GAB2: variants seen among roughly 807,000 people sequenced by gnomAD.
The protein encoded by GAB2 is GRB2 associated binding protein 2.
GAB2 carries 26 observed loss-of-function variants against 65.5 expected under a neutral mutation model. The observed-to-expected ratio is 0.40, with a 90% CI of 0.29 to 0.55. The LOEUF is 0.55. Among genes scored for constraint, GAB2 ranks in the 20% least tolerant of loss-of-function variants. The pLI, the probability that GAB2 is intolerant of heterozygous loss-of-function variation, is 0.53. For synonymous variants in GAB2, 321 were observed against 329.6 expected (o/e 0.97, Z 0.28); for missense variants, 884 against 875.8 (o/e 1.01, Z -0.12).
intron 2 of GAB2, among the ~76,000 whole-genome samples, chr11:78,273,159 C>G (rs1001423837): frequency 6.6e-6 from 1 of 152,246 alleles, no homozygotes; most frequent in African/African-American, 2.4e-5. Flanking sequence ...AGCCCCCACA[C>G]AGAGTCCCTT....
At chr11:78,308,956 C>T (rs984904971) in intron 1 of GAB2, among the ~76,000 whole-genome samples, 1 of 151,996 alleles carries the variant, frequency 6.6e-6, no homozygotes, top group South Asian at 2.1e-4. Flanking sequence ...TGGAAAGATG[C>T]TGAGGGTAGG....
At position 78,219,348 on chromosome 11, in the gene GAB2, T is replaced by A. The variant is rs768976090; in HGVS notation, c.1955A>T (p.Gln652Leu). 1 of 1,613,666 alleles carries A rather than the reference T, an allele frequency of 6.2e-7. No homozygotes were observed. The highest frequency in any genetic ancestry group is 1.1e-5 in the South Asian group (1 of 91,080). The change falls in exon 10 of 10, where the codon CAG becomes CTG. Residue 652 changes from glutamine to leucine, a missense_variant. Coordinates refer to ENST00000361507, the MANE Select transcript of GAB2 (RefSeq NM_080491.3). ...DYVQVDKEKTQALQNTMQEWT... is the reference protein window; with the variant it reads ...DYVQVDKEKTLALQNTMQEWT... ...CTCCTGCATGGTGTTCTGCAGGGCC[T>A]GGGTCTTCTCCTTGTCCACCTGAAC...
intron 2 of GAB2, among the ~76,000 whole-genome samples, chr11:78,279,430 T>C (rs1433610487): frequency 2.0e-5 from 3 of 152,166 alleles, no homozygotes; most frequent in African/African-American, 4.8e-5. Flanking sequence ...GTCCTCAGAA[T>C]CACCTGAGGA....
chr11:78,417,123 G>T (rs1043436792), intron 1 of GAB2, among the ~76,000 whole-genome samples: 36 of 152,300 alleles, frequency 2.4e-4, no homozygotes, highest in African/African-American at 8.7e-4. Flanking sequence ...TGACGCTGCC[G>T]GTGATGCAGC....
Position 78,273,861 on chromosome 11 carries a change from G to A in GAB2, c.376+6740C>T, listed in dbSNP as rs184556745. Among the ~76,000 whole-genome samples the A allele has an allele frequency of 4.6e-3, 697 of 152,228 alleles. 4 individuals carry two copies. Among genetic ancestry groups the A allele is most frequent in the African/African-American group, 0.016 (672 of 41,522 alleles). ...CCAGGTTGTTCTCATGATACCTGAC[G>A]GTTTTAAAAAGAGGAGTTCCCCTGT... On this transcript the variant is annotated intron_variant, in intron 2 of 9. Transcript: ENST00000361507.
chr11:78,220,581 T>C (rs1864375600), intron 8 of GAB2, 137 bp from the exon 9 acceptor site: 1 of 634,292 alleles, frequency 1.6e-6, no homozygotes, highest in Non-Finnish European at 2.6e-6. Flanking sequence ...GGACTTTTCA[T>C]GTTTTCATTT....
At chr11:78,403,746 T>C (rs948050810) in intron 1 of GAB2, among the ~76,000 whole-genome samples, 1 of 152,150 alleles carries the variant, frequency 6.6e-6, no homozygotes, top group Non-Finnish European at 1.5e-5. Context: ...AGGGATCACA[T>C]CAAGCTTAAA....
At position 78,233,040 on chromosome 11, in the gene GAB2, G is replaced by GTTTTTTT. The variant is rs372693456; in HGVS notation, c.621-5996_621-5990dup. ...ACTTACCAATACCTGGCACTGTTAA[G>GTTTTTTT]TTTTTTTTTTTTTTTTGGTGACAAG... On this transcript the variant is annotated intron_variant, in intron 3 of 9. Transcript: ENST00000361507. Among the ~76,000 whole-genome samples, 405 of 131,962 alleles carry GTTTTTTT rather than the reference G, an allele frequency of 3.1e-3. 13 individuals are homozygous for GTTTTTTT. Among genetic ancestry groups the GTTTTTTT allele is most frequent in the African/African-American group, 9.4e-3 (314 of 33,270 alleles). The allele number at this position is 131,962 out of a possible 152,430, so 86.6% of individuals were successfully genotyped here. A position where few individuals can be genotyped will look rare whatever the true frequency, so the allele number is the denominator to read the frequency against.
chr11:78,283,338 T>A (rs1866380669), intron 1 of GAB2, among the ~76,000 whole-genome samples: 1 of 152,214 alleles, frequency 6.6e-6, no homozygotes, highest in Admixed American at 6.5e-5. Context: ...CACAAAGACA[T>A]CACTTCAACA....
At chr11:78,248,181 CA>C (rs1565125036) in intron 3 of GAB2, among the ~76,000 whole-genome samples, 2 of 152,094 alleles carry the variant, frequency 1.3e-5, no homozygotes. Context: ...TGTGGCAATT[CA>C]GAGAAAAAGT....
chr11:78,322,743 A>C (rs1303311256), intron 1 of GAB2, among the ~76,000 whole-genome samples: 1 of 152,036 alleles, frequency 6.6e-6, no homozygotes, highest in Non-Finnish European at 1.5e-5. Flanking sequence ...AATGCAACTC[A>C]AAACCACAAT....
At chr11:78,415,708 G>A (rs11237487) in intron 1 of GAB2, among the ~76,000 whole-genome samples, 1 of 152,066 alleles carries the variant, frequency 6.6e-6, no homozygotes. Flanking sequence ...GACTAGATTC[G>A]TTCAAATCAG....
At chr11:78,257,757 T>C (rs1181966406) in intron 2 of GAB2, among the ~76,000 whole-genome samples, 1 of 152,184 alleles carries the variant, frequency 6.6e-6, no homozygotes, top group Non-Finnish European at 1.5e-5. Context: ...AGCTGCCATT[T>C]ACTAAGCACC....
At chr11:78,285,271 C>T (rs1330909439) in intron 1 of GAB2, among the ~76,000 whole-genome samples, 9 of 152,220 alleles carry the variant, frequency 5.9e-5, no homozygotes, top group Non-Finnish European at 2.9e-5. Flanking sequence ...ACAAAAAACA[C>T]AGACACCCTC....
intron 1 of GAB2, among the ~76,000 whole-genome samples, chr11:78,399,927 C>G (rs1424110753): frequency 6.6e-6 from 1 of 152,038 alleles, no homozygotes; most frequent in African/African-American, 2.4e-5. Context: ...GCTTAATGAC[C>G]CTAAGGCCTT....
In GAB2 at chr11:78,331,909, G is replaced by C. The variant is rs115112379; in HGVS notation, c.76-51008C>G. On this transcript the variant is annotated intron_variant, in intron 1 of 9. Coordinates refer to ENST00000361507, the MANE Select transcript of GAB2 (RefSeq NM_080491.3). ...AGGACACCATCCGGACCTCGTAAAT[G>C]AAAGTGTCCATTGGGAAGGGGAAAA... Among the ~76,000 whole-genome samples, 325 of 152,234 alleles carry C rather than the reference G, an allele frequency of 2.1e-3. 1 individual carries two copies. The highest frequency in any genetic ancestry group is 6.9e-3 in the African/African-American group (285 of 41,538).
chr11:78,341,815 C>T, intron 1 of GAB2: 1 of 985,782 alleles, frequency 1.0e-6, no homozygotes, highest in South Asian at 4.7e-5. Context: ...TATTGCTAGC[C>T]TCGCCTTTGT....
At chr11:78,403,018 T>C (rs1417891348) in intron 1 of GAB2, among the ~76,000 whole-genome samples, 1 of 152,178 alleles carries the variant, frequency 6.6e-6, no homozygotes, top group African/African-American at 2.4e-5. Flanking sequence ...TCTTCAACCA[T>C]GTGAGGACAC....
intron 1 of GAB2, among the ~76,000 whole-genome samples, chr11:78,312,002 T>C (rs904945728): frequency 6.6e-6 from 1 of 152,178 alleles, no homozygotes; most frequent in Admixed American, 6.5e-5. Context: ...ATCAGCTTCA[T>C]GCCTTGCTGC....
Sources: gnomAD v4.1 joint callset for allele counts (sites outside exome capture counted in the v4.1 genomes callset) on GRCh38, gnomAD v4.1.1 for gene constraint, MANE v1.5 for transcripts, NCBI Gene and HGNC (gene_info 2026-07-23, HGNC 2026-07-21) for gene names.